Variants in RAPGEF2 observed in about 807,000 individuals in gnomAD.
The protein encoded by RAPGEF2 is PDZ domain containing guanine nucleotide exchange factor (GEF) 1.
A neutral mutation model predicts 186.7 loss-of-function variants in RAPGEF2; 54 were observed. The ratio of observed to expected loss-of-function variants is 0.29; its 90% confidence interval spans 0.23 to 0.36. RAPGEF2 has a LOEUF of 0.36. RAPGEF2 is among the 10% of genes least tolerant of loss of function. The pLI, the probability that RAPGEF2 is intolerant of heterozygous loss-of-function variation, is 1.00. For missense variants in RAPGEF2, 1,532 were observed against 2,045.0 expected, an observed-to-expected ratio of 0.75 and a Z score of 4.84; for synonymous variants, 712 against 705.9, an observed-to-expected ratio of 1.01 and a Z score of -0.14.
intron 17 of RAPGEF2, among the ~76,000 whole-genome samples, chr4:159,335,835 C>CAAAAAAAAA (rs778302629): frequency 4.2e-5 from 2 of 48,154 alleles, no homozygotes; most frequent in Non-Finnish European, 8.3e-5. Flanking sequence ...GACTCCGTCT[C>CAAAAAAAAA]AAAAAAAAAA....
intron 1 of RAPGEF2, among the ~76,000 whole-genome samples, chr4:159,122,749 A>G (rs1439547335): frequency 2.0e-5 from 3 of 152,228 alleles, no homozygotes; most frequent in African/African-American, 4.8e-5. Flanking sequence ...TTGTGGATCT[A>G]TATTTTTCAT....
Position 159,353,389 on chromosome 4 carries a change from G to A in RAPGEF2, c.4092-98G>A. On this transcript the variant is annotated intron_variant, in intron 27 of 29. Transcript: ENST00000691494. The surrounding 1 kb of genome is among the most constrained non-coding windows in gnomAD (Gnocchi z 4.3). ...TATCCTGTTTCTGGGATGAAAGCAAGCTACCTTTCTAGGAAAAAGGGTATT... is the reference window on the plus strand; with the variant it reads ...TATCCTGTTTCTGGGATGAAAGCAAACTACCTTTCTAGGAAAAAGGGTATT... 2.0e-6 allele frequency: 2 copies of A among 987,236 alleles called. No individual in the cohort carries two copies. The highest frequency in any genetic ancestry group is 2.8e-6 in the Non-Finnish European group (2 of 719,780). The allele number at this position is 987,236 out of a possible 1,614,324, so 61.2% of individuals were successfully genotyped here.
intron 5 of RAPGEF2, 116 bp from the exon 6 acceptor site, chr4:159,241,085 A>G (rs1753934331): frequency 2.4e-6 from 2 of 825,620 alleles, no homozygotes; most frequent in Non-Finnish European, 1.7e-6. Flanking sequence ...ATAGTTTTCT[A>G]CAGATGTCTT....
chr4:159,106,385 T>C lies in RAPGEF2; in HGVS notation c.69+2154T>C, dbSNP rs1278810727. Reference sequence around the variant, plus strand: ...ACCTGACTGGCCAGGAGTAATCTTATAAAAATTTGAAATTTACTCAAAAAT... The same window carrying C: ...ACCTGACTGGCCAGGAGTAATCTTACAAAAATTTGAAATTTACTCAAAAAT... On this transcript the variant is annotated intron_variant, in intron 1 of 29. Transcript: ENST00000691494. 3.3e-5 allele frequency among the ~76,000 whole-genome samples: 5 copies of C among 152,264 alleles called. No homozygotes were observed. In the East Asian group the frequency reaches 5.8e-4, roughly 18 times the overall value.
At chr4:159,110,312 G>A (rs1738354990) in intron 1 of RAPGEF2, among the ~76,000 whole-genome samples, 1 of 152,260 alleles carries the variant, frequency 6.6e-6, no homozygotes, top group Middle Eastern at 3.4e-3. Context: ...ACTAGGCCAG[G>A]TGCTGTGGCT....
At chr4:159,183,348 C>T (rs1254602271) in intron 1 of RAPGEF2, among the ~76,000 whole-genome samples, 1 of 152,142 alleles carries the variant, frequency 6.6e-6, no homozygotes, top group Admixed American at 6.5e-5. Flanking sequence ...CAGAGGGTTC[C>T]AGGACAACTG....
intron 27 of RAPGEF2, 65 bp downstream of exon 27, chr4:159,352,975 T>C: frequency 7.4e-7 from 1 of 1,357,644 alleles, no homozygotes; most frequent in African/African-American, 1.5e-5. Flanking sequence ...TAATGAGTCT[T>C]TTCTTCCAGT....
At chr4:159,210,636 G>T (rs1047679145) in intron 4 of RAPGEF2, 53 bp downstream of exon 4, 14 of 1,350,494 alleles carry the variant, frequency 1.0e-5, no homozygotes, top group Middle Eastern at 2.0e-4. Flanking sequence ...AAATTCTTTT[G>T]CAGAATTCAG....
At chr4:159,181,575 C>CTTT (rs531646826) in intron 1 of RAPGEF2, among the ~76,000 whole-genome samples, 15 of 121,362 alleles carry the variant, frequency 1.2e-4, no homozygotes, top group East Asian at 4.8e-4. Context: ...GGAAGACAGT[C>CTTT]TTTTTTTTTT....
At chr4:159,313,194 T>C (rs1297539446) in intron 8 of RAPGEF2, among the ~76,000 whole-genome samples, 2 of 152,172 alleles carry the variant, frequency 1.3e-5, no homozygotes, top group Non-Finnish European at 2.9e-5. Flanking sequence ...CACAATTTAT[T>C]CTGTAAATAT....
intron 1 of RAPGEF2, among the ~76,000 whole-genome samples, chr4:159,115,291 T>C (rs1738924843): frequency 6.6e-6 from 1 of 152,220 alleles, no homozygotes; most frequent in South Asian, 2.1e-4. Context: ...CAGGAAGATA[T>C]TTACTATTTT....
At chr4:159,108,785 C>T (rs1386639742) in intron 1 of RAPGEF2, among the ~76,000 whole-genome samples, 2 of 152,036 alleles carry the variant, frequency 1.3e-5, no homozygotes, top group Non-Finnish European at 2.9e-5. Context: ...GCTTTGTTGC[C>T]CGGGCTCACT....
In RAPGEF2 at chr4:159,121,132, C is replaced by T. The variant is rs559809669; in HGVS notation, c.69+16901C>T. Among the ~76,000 whole-genome samples the T allele has an allele frequency of 6.6e-5, 10 of 151,846 alleles. No homozygotes were observed. In the East Asian group the frequency reaches 1.8e-3, roughly 27 times the overall value. ...CCTCCTAAAGTGCTGGAATTACAGG[C>T]GTGAGCTTCTGCACCCGGCCGATCT... On this transcript the variant is annotated intron_variant, in intron 1 of 29. Transcript: ENST00000691494.
chr4:159,250,798 T>A (rs1426189503), intron 7 of RAPGEF2, among the ~76,000 whole-genome samples: 4 of 149,560 alleles, frequency 2.7e-5, no homozygotes, highest in African/African-American at 9.8e-5. Context: ...TCTCGGCGCC[T>A]CGGCCTCGGC....
chr4:159,342,869 G>A, intron 20 of RAPGEF2, 110 bp from the exon 21 acceptor site: 1 of 963,390 alleles, frequency 1.0e-6, no homozygotes, highest in Admixed American at 2.6e-5. Context: ...GCAGCCTTCT[G>A]TAAATTGTTA....
intron 3 of RAPGEF2, among the ~76,000 whole-genome samples, chr4:159,198,328 TTCTTTC>T (rs1187509301): frequency 1.3e-5 from 1 of 76,672 alleles, no homozygotes; most frequent in Non-Finnish European, 2.3e-5. Flanking sequence ...CTTTCTTTCT[TTCTTTC>T]TTTTTCTTTC....
In RAPGEF2 at chr4:159,190,999, C is replaced by T. The variant is rs186550094; in HGVS notation, c.141-2201C>T. 2.2e-3 allele frequency among the ~76,000 whole-genome samples: 330 copies of T among 152,240 alleles called. 2 individuals carry two copies. Among genetic ancestry groups the T allele is most frequent in the African/African-American group, 7.4e-3 (306 of 41,548 alleles). The stretch of plus-strand genomic sequence containing the variant: ...GCTGTTACATATTCAAGTGGCAGCA[C>T]TGAGTAGGCATTTAAATGAGTGGCT... On this transcript the variant is annotated intron_variant, in intron 2 of 29. Transcript: ENST00000691494.
At chr4:159,122,339 C>T (rs1418601280) in intron 1 of RAPGEF2, among the ~76,000 whole-genome samples, 1 of 151,818 alleles carries the variant, frequency 6.6e-6, no homozygotes. Context: ...ATTAGTAGGG[C>T]ATGGTGGCGC....
At chr4:159,125,438 C>T (rs556135717) in intron 1 of RAPGEF2, among the ~76,000 whole-genome samples, 1 of 152,080 alleles carries the variant, frequency 6.6e-6, no homozygotes, top group African/African-American at 2.4e-5. Context: ...GTAGCTGCTA[C>T]TTCTTGGAAA....
Sources: allele counts gnomAD v4.1 joint callset (sites outside exome capture counted in the v4.1 genomes callset), GRCh38; gene constraint gnomAD v4.1.1; non-coding constraint Gnocchi (gnomAD v3.1); transcripts MANE v1.5; gene names NCBI Gene and HGNC (gene_info 2026-07-23, HGNC 2026-07-21).